Variants in GRID2 observed in about 807,000 individuals in gnomAD.
GRID2 encodes glutamate receptor ionotropic, delta-2.
In GRID2, 33 loss-of-function variants were observed where a neutral mutation model predicts 114.8. The ratio of observed to expected loss-of-function variants is 0.29; its 90% confidence interval spans 0.22 to 0.38. The LOEUF is 0.38. Among genes scored for constraint, GRID2 ranks in the 10% least tolerant of loss-of-function variants. The pLI, the probability that GRID2 is intolerant of heterozygous loss-of-function variation, is 1.00. For synonymous variants in GRID2, 505 were observed against 449.9 expected, an observed-to-expected ratio of 1.12 and a Z score of -1.55; for missense variants, 1,184 against 1,257.7, an observed-to-expected ratio of 0.94 and a Z score of 0.89.
chr4:92,862,692 G>A (rs1011347413), intron 2 of GRID2, among the ~76,000 whole-genome samples: 2 of 152,052 alleles, frequency 1.3e-5, no homozygotes, highest in Non-Finnish European at 2.9e-5. Context: ...TTGATAAAAT[G>A]TCTCTTAGAA....
At chr4:93,678,184 A>G (rs1032745172) in intron 14 of GRID2, among the ~76,000 whole-genome samples, 2 of 152,174 alleles carry the variant, frequency 1.3e-5, no homozygotes, top group African/African-American at 4.8e-5. Context: ...TCAGTGATGG[A>G]AGATGAAATG....
rs79752839 is a variant in GRID2, at chr4:93,601,181, G to A, written c.2194-25088G>A. ...TGCATGCTACAAATGGTTGTACTGTGTGATTTGAATTGGATTTGGATTAAA... is the reference window on the plus strand; with the variant it reads ...TGCATGCTACAAATGGTTGTACTGTATGATTTGAATTGGATTTGGATTAAA... On this transcript the variant is annotated intron_variant, in intron 13 of 15. Coordinates refer to ENST00000282020, the MANE Select transcript of GRID2 (RefSeq NM_001510.4). Among the ~76,000 whole-genome samples, 862 of 152,298 alleles carry A rather than the reference G, an allele frequency of 5.7e-3. 12 individuals carry two copies. The highest frequency in any genetic ancestry group is 0.019 in the African/African-American group (792 of 41,566).
chr4:92,429,472 C>T (rs560936013), intron 1 of GRID2, among the ~76,000 whole-genome samples: 1 of 152,230 alleles, frequency 6.6e-6, no homozygotes, highest in South Asian at 2.1e-4. Context: ...TGTATGTGTA[C>T]TGCATTTTCT....
chr4:93,701,879 A>T (rs1727541559), intron 14 of GRID2, among the ~76,000 whole-genome samples: 1 of 152,024 alleles, frequency 6.6e-6, no homozygotes, highest in Admixed American at 6.6e-5. Context: ...AAGACAGTTT[A>T]TTAATTTATA....
rs578208755 is a variant in GRID2 at position 93,259,730 on chromosome 4, A to T, written c.1245+21240A>T. On this transcript the variant is annotated intron_variant, in intron 8 of 15. Coordinates refer to ENST00000282020, the MANE Select transcript of GRID2 (RefSeq NM_001510.4). ...AAAGTTCAAAAACTATGTTTTTTCAATTCATTTTATAAAGAAGGTTAGGCT... is the reference window on the plus strand; with the variant it reads ...AAAGTTCAAAAACTATGTTTTTTCATTTCATTTTATAAAGAAGGTTAGGCT... Among the ~76,000 whole-genome samples the T allele has an allele frequency of 4.6e-5, 7 of 151,948 alleles. No individual in the cohort carries two copies. In the South Asian group the frequency reaches 1.0e-3, roughly 22 times the overall value.
intron 2 of GRID2, among the ~76,000 whole-genome samples, chr4:92,592,368 C>T (rs1301121521): frequency 1.3e-5 from 2 of 151,998 alleles, no homozygotes; most frequent in African/African-American, 2.4e-5. Context: ...ATGAAGACAA[C>T]ACAGTGGTGA....
intron 4 of GRID2, among the ~76,000 whole-genome samples, chr4:93,115,342 A>C (rs1175936366): frequency 6.6e-6 from 1 of 151,090 alleles, no homozygotes; most frequent in African/African-American, 2.4e-5. Flanking sequence ...TTCCTCAAAC[A>C]CCTGAGTTCC....
At chr4:93,694,593 C>A (rs536410725) in intron 14 of GRID2, among the ~76,000 whole-genome samples, 3 of 152,286 alleles carry the variant, frequency 2.0e-5, no homozygotes, top group Non-Finnish European at 4.4e-5. Context: ...CATCTTGCCA[C>A]GCCTCCCAGT....
intron 14 of GRID2, among the ~76,000 whole-genome samples, chr4:93,705,698 T>G (rs1727938671): frequency 6.6e-6 from 1 of 152,170 alleles, no homozygotes. Context: ...TGCAATCCCT[T>G]TTGTTCATTT....
rs879405717 is a variant in GRID2 at position 92,830,099 on chromosome 4, G to GA, written c.244+239825dup. On this transcript the variant is annotated intron_variant, in intron 2 of 15. Coordinates refer to ENST00000282020, the MANE Select transcript of GRID2 (RefSeq NM_001510.4). ...GTATTCCAGCGCTTAAAATAAAATT[G>GA]AAAAAAAAAAAAGCAAAACTAGCAC... 9.5e-4 allele frequency among the ~76,000 whole-genome samples: 120 copies of GA among 126,534 alleles called. 1 individual carries two copies. The highest frequency in any genetic ancestry group is 1.4e-3 in the East Asian group (6 of 4,354). The allele number at this position is 126,534 out of a possible 152,430, so 83.0% of individuals were successfully genotyped here.
intron 11 of GRID2, among the ~76,000 whole-genome samples, chr4:93,456,905 ACC>A (rs1290748343): frequency 6.6e-6 from 1 of 152,002 alleles, no homozygotes; most frequent in Non-Finnish European, 1.5e-5. Context: ...TAGCCCTTAA[ACC>A]TTTTGTAAGC....
chr4:92,914,641 G>C (rs1482880244), intron 2 of GRID2, among the ~76,000 whole-genome samples: 2 of 151,942 alleles, frequency 1.3e-5, no homozygotes, highest in African/African-American at 4.8e-5. Context: ...TTATCATTTA[G>C]TTCCCACTTG....
intron 2 of GRID2, among the ~76,000 whole-genome samples, chr4:93,060,722 A>T (rs991788150): frequency 6.6e-6 from 1 of 152,206 alleles, no homozygotes; most frequent in Non-Finnish European, 1.5e-5. Context: ...GTTTTTCAAA[A>T]ATAAATTTAC....
intron 2 of GRID2, among the ~76,000 whole-genome samples, chr4:92,881,383 C>T (rs1346357435): frequency 1.3e-5 from 2 of 152,150 alleles, no homozygotes; most frequent in African/African-American, 2.4e-5. Flanking sequence ...CTGTCACTTT[C>T]CAATACAGAA....
intron 2 of GRID2, chr4:92,822,769 T>C (rs1465082548): frequency 6.3e-6 from 1 of 159,400 alleles, no homozygotes; most frequent in African/African-American, 2.4e-5. Context: ...TGCTGTGGGA[T>C]GCCATAGTTG....
chr4:93,755,876 C>A (rs1007752628), intron 14 of GRID2, among the ~76,000 whole-genome samples: 3 of 152,140 alleles, frequency 2.0e-5, no homozygotes, highest in African/African-American at 7.2e-5. Context: ...TAGTTTAAAT[C>A]TCTCTTGCTT....
At chr4:93,707,179 C>A (rs1296875856) in intron 14 of GRID2, among the ~76,000 whole-genome samples, 1 of 151,914 alleles carries the variant, frequency 6.6e-6, no homozygotes, top group African/African-American at 2.4e-5. Flanking sequence ...TTTGTTGTGT[C>A]TTTGTCTAGC....
At chr4:93,557,115 C>T (rs143722509) in intron 13 of GRID2, among the ~76,000 whole-genome samples, 1,726 of 152,230 alleles carry the variant, frequency 0.011, 26 homozygotes, top group African/African-American at 0.04. Context: ...GAGGAAAAAA[C>T]GGTACCAGCC....
At chr4:92,592,587 C>T (rs1434660174) in intron 2 of GRID2, among the ~76,000 whole-genome samples, 1 of 151,776 alleles carries the variant, frequency 6.6e-6, no homozygotes, top group African/African-American at 2.4e-5. Flanking sequence ...TTGAGAGAGG[C>T]AATAAGGTTC....
Sources: gnomAD v4.1 joint callset for allele counts (sites outside exome capture counted in the v4.1 genomes callset) on GRCh38, gnomAD v4.1.1 for gene constraint, MANE v1.5 for transcripts, NCBI Gene and HGNC (gene_info 2026-07-23, HGNC 2026-07-21) for gene names.